SEMA3G: variants seen among roughly 807,000 people sequenced by gnomAD.
The protein encoded by SEMA3G is semaphorin 3G.
A neutral mutation model predicts 86.2 loss-of-function variants in SEMA3G; 70 were observed. That is an observed-to-expected ratio of 0.81 (90% CI 0.67 to 0.99). The LOEUF (loss-of-function observed/expected upper bound fraction) is 0.99. SEMA3G is among the 50% of genes least tolerant of loss of function. The pLI is 0.00. For synonymous variants in SEMA3G, 416 were observed against 441.4 expected (o/e 0.94, Z 0.72); for missense variants, 1,002 against 1,072.4 (o/e 0.93, Z 0.92).
At position 52,439,594 on chromosome 3, in the gene SEMA3G, T is replaced by C. The variant is rs1009497855; in HGVS notation, c.1467+86A>G. 11 of 1,111,256 alleles carry C rather than the reference T, an allele frequency of 9.9e-6. No individual in the cohort carries two copies. In the African/African-American group the frequency reaches 1.7e-4, roughly 17 times the overall value. 68.8% of individuals were successfully genotyped at this position (1,111,256 alleles called of 1,614,324 possible). A position where few individuals can be genotyped will look rare whatever the true frequency, so the allele number is the denominator to read the frequency against. Reference sequence around the variant, plus strand: ...ATTCAGTAAAGACAGGCTGGCTCCCTACTGGGCTTGCTCCTGCATCCCTGT... The same window carrying C: ...ATTCAGTAAAGACAGGCTGGCTCCCCACTGGGCTTGCTCCTGCATCCCTGT... On this transcript the variant is annotated intron_variant, in intron 12 of 15. Transcript: ENST00000231721.
At position 52,440,117 on chromosome 3, in the gene SEMA3G, G is replaced by C; in HGVS notation, c.1144-19C>G. ...TGGGGCACTGTGGGCAGCAGGGAAG[G>C]GAGTGCCTGAAGTATCCTGAGACAG... On this transcript the variant is annotated intron_variant, in intron 10 of 15. Transcript: ENST00000231721. The C allele has an allele frequency of 6.5e-7, 1 of 1,548,062 alleles. No individual in the cohort carries two copies. The highest frequency in any genetic ancestry group is 8.8e-7 in the Non-Finnish European group (1 of 1,140,578).
intron 7 of SEMA3G, 51 bp downstream of exon 7, chr3:52,441,213 T>C (rs1200086631): frequency 2.5e-6 from 4 of 1,588,466 alleles, no homozygotes; most frequent in East Asian, 2.2e-5. Context: ...GGTCTGGGAA[T>C]GGGAGGGTGT....
chr3:52,438,240 T>TC, intron 13 of SEMA3G, 41 bp from the exon 14 acceptor site: 1 of 1,564,502 alleles, frequency 6.4e-7, no homozygotes, highest in Non-Finnish European at 8.7e-7. Context: ...GAGCCCAGGC[T>TC]TCGCCCACAC....
chr3:52,444,289 T>A (rs1706216650), intron 1 of SEMA3G, among the ~76,000 whole-genome samples: 1 of 152,042 alleles, frequency 6.6e-6, no homozygotes, highest in Non-Finnish European at 1.5e-5. Context: ...GGTCTCCATC[T>A]GTCCCTTTCT....
chr3:52,443,756 A>G (rs1240451162), intron 1 of SEMA3G, among the ~76,000 whole-genome samples: 1 of 152,178 alleles, frequency 6.6e-6, no homozygotes, highest in African/African-American at 2.4e-5. Flanking sequence ...GGCTTTTTCT[A>G]GCAGTCTGAC....
chr3:52,443,107 C>A lies in SEMA3G; in HGVS notation c.116-200G>T, dbSNP rs751898513. 704 of 1,443,390 alleles carry A rather than the reference C, an allele frequency of 4.9e-4. 3 individuals are homozygous for A. Among genetic ancestry groups the A allele is most frequent in the Admixed American group, 7.3e-4 (37 of 50,458 alleles). 89.4% of individuals were successfully genotyped at this position (1,443,390 alleles called of 1,614,324 possible). A position where few individuals can be genotyped will look rare whatever the true frequency, so the allele number is the denominator to read the frequency against. On this transcript the variant is annotated intron_variant, in intron 1 of 15. Coordinates refer to ENST00000231721, the MANE Select transcript of SEMA3G (RefSeq NM_020163.3). ...GGGACGGGAGGCTCAGAGCCTCCCACCTGGCCCAGCCTACCCTGGGGCCTA... is the reference window on the plus strand; with the variant it reads ...GGGACGGGAGGCTCAGAGCCTCCCAACTGGCCCAGCCTACCCTGGGGCCTA...
In SEMA3G at chr3:52,438,960, A is replaced by G. The variant is rs779511670; in HGVS notation, c.1469T>C (p.Val490Ala). Residue 490 changes from valine (V) to alanine (A), a missense_variant and splice_region_variant, in exon 13 of 16, where the codon GTG becomes GCG. Val to Ala is a moderately conservative substitution (Grantham distance 64). Coordinates refer to ENST00000231721, the MANE Select transcript of SEMA3G (RefSeq NM_020163.3). ...VVLEELQVFK[V>A]PTPITEMEIS... ...CTCCATTTCGGTGATAGGTGTTGGCACCTGGGGAAGGAGAAGGGTCTCAGT... is the reference window on the plus strand; with the variant it reads ...CTCCATTTCGGTGATAGGTGTTGGCGCCTGGGGAAGGAGAAGGGTCTCAGT... The G allele has an allele frequency of 1.9e-6, 3 of 1,613,208 alleles. No individual in the cohort carries two copies. The South Asian group carries it at 3.3e-5, about 18-fold the overall frequency.
Position 52,435,711 on chromosome 3 carries a change from GC to G in SEMA3G, c.2240del (p.Gly747AlafsTer14), listed in dbSNP as rs757391261. 1 of 1,614,058 alleles carries G rather than the reference GC, an allele frequency of 6.2e-7. No individual in the cohort carries two copies. Among genetic ancestry groups the G allele is most frequent in the Non-Finnish European group, 8.5e-7 (1 of 1,179,984 alleles). On this transcript the variant is annotated frameshift_variant, in exon 16 of 16. Transcript: ENST00000231721. LOFTEE classifies it high-confidence loss of function. ...CSGCFRSRSRGKQARGKSWAG... is the reference protein window; with the variant it reads ...CSGCFRSRSRXKQARGKSWAG... ...CCCAGCTCTTGCCCCTGGCCTGCTT[GC>G]CCCGGCTCCGGCTCCGGAAGCAGCC...
rs1706128290 is a variant in SEMA3G, at chr3:52,440,396, G to C, written c.1124C>G (p.Pro375Arg). Residue 375 changes from proline to arginine, a missense_variant, in exon 10 of 16, where the codon CCC becomes CGC. Physicochemically the swap from Pro to Arg is moderately radical, Grantham distance 103 (BLOSUM62 -2). Transcript: ENST00000231721. ...ACTCACCACGCCAGGGCGAGGGAAG[G>C]GCACCTTGCCCCCATAGGGCCCCCA... ...HQWGPYGGKV[P>R]FPRPGVCPSK... The C allele has an allele frequency of 1.2e-6, 2 of 1,607,760 alleles. No homozygotes were observed. Among genetic ancestry groups the C allele is most frequent in the Non-Finnish European group, 1.7e-6 (2 of 1,178,212 alleles).
intron 1 of SEMA3G, among the ~76,000 whole-genome samples, chr3:52,444,213 C>G (rs1455895380): frequency 6.6e-6 from 1 of 152,188 alleles, no homozygotes; most frequent in East Asian, 1.9e-4. Flanking sequence ...GCCCCACCCT[C>G]TCTGTCACTC....
intron 1 of SEMA3G, among the ~76,000 whole-genome samples, chr3:52,444,570 C>T (rs1706224309): frequency 6.7e-6 from 1 of 149,948 alleles, no homozygotes; most frequent in Non-Finnish European, 1.5e-5. Flanking sequence ...GGCACACGCA[C>T]ACAAACACTG....
chr3:52,442,748 T>A lies in SEMA3G; in HGVS notation c.275A>T (p.Glu92Val). 1 of 1,613,592 alleles carries A rather than the reference T, an allele frequency of 6.2e-7. No individual in the cohort carries two copies. Among genetic ancestry groups the A allele is most frequent in the Non-Finnish European group, 8.5e-7 (1 of 1,179,810 alleles). The change falls in exon 2 of 16, where the codon GAG becomes GTG. Residue 92 changes from glutamate (E) to valine (V), a missense_variant and splice_region_variant. Physicochemically the swap from Glu to Val is moderately radical, Grantham distance 121. Coordinates refer to ENST00000231721, the MANE Select transcript of SEMA3G (RefSeq NM_020163.3). The surrounding 1 kb of genome is among the most constrained non-coding windows in gnomAD (Gnocchi z 6.1). The stretch of plus-strand genomic sequence containing the variant: ...CTCTTCCCTGCCAGTCCAGCTCACC[T>A]CCCGGGGATCTGGCCATGCCTGGTC... ...RLDQAWPDPR[E>V]VLWPPQPGQR...
chr3:52,438,586 A>G (rs1242689813), intron 13 of SEMA3G: 2 of 985,480 alleles, frequency 2.0e-6, no homozygotes, highest in Non-Finnish European at 2.4e-6. Context: ...GCAGATAAAT[A>G]TGGGGAGACG....
Position 52,439,728 on chromosome 3 carries a change from GC to G in SEMA3G, c.1418del (p.Gly473AlafsTer155), listed in dbSNP as rs2153229629. The G allele has an allele frequency of 6.2e-7, 1 of 1,614,022 alleles. No individual in the cohort carries two copies. Among genetic ancestry groups the G allele is most frequent in the Non-Finnish European group, 8.5e-7 (1 of 1,180,014 alleles). On this transcript the variant is annotated frameshift_variant, in exon 12 of 16. Transcript: ENST00000231721. LOFTEE classifies it high-confidence loss of function. Reference protein sequence around the residue: ...VLKVIALQAGGSAEPEEVVLE... With the variant: ...VLKVIALQAGXSAEPEEVVLE... ...GAACCACTTCCTCAGGTTCAGCTGAGCCCCCTGCCTGGAGAGCGATGACTTT... is the reference window on the plus strand; with the variant it reads ...GAACCACTTCCTCAGGTTCAGCTGAGCCCCTGCCTGGAGAGCGATGACTTT...
intron 13 of SEMA3G, 74 bp from the exon 14 acceptor site, chr3:52,438,273 A>T: frequency 1.4e-6 from 2 of 1,460,698 alleles, no homozygotes; most frequent in South Asian, 2.4e-5. Flanking sequence ...TCAGCCCCTC[A>T]GCTTCCTGAG....
rs1706169872 is a variant in SEMA3G, at chr3:52,442,079, A to G, written c.459+106T>C. 1.4e-6 allele frequency: 2 copies of G among 1,462,854 alleles called. No individual in the cohort carries two copies. The highest frequency in any genetic ancestry group is 1.8e-6 in the Non-Finnish European group (2 of 1,090,428). The allele number at this position is 1,462,854 out of a possible 1,614,324, so 90.6% of individuals were successfully genotyped here. On this transcript the variant is annotated intron_variant, in intron 4 of 15. Coordinates refer to ENST00000231721, the MANE Select transcript of SEMA3G (RefSeq NM_020163.3). The surrounding 1 kb of genome is among the most constrained non-coding windows in gnomAD (Gnocchi z 6.1). Reference sequence around the variant, plus strand: ...GCTCCCCAACACAAAGGCGCCTTTCAGGCCCCTGCCCCTCTGTCCCTACCC... The same window carrying G: ...GCTCCCCAACACAAAGGCGCCTTTCGGGCCCCTGCCCCTCTGTCCCTACCC...
Position 52,435,612 on chromosome 3 carries a change from C to G in SEMA3G, c.2340G>C (p.Glu780Asp). 5.0e-6 allele frequency: 8 copies of G among 1,610,898 alleles called. No individual in the cohort carries two copies. The highest frequency in any genetic ancestry group is 6.8e-6 in the Non-Finnish European group (8 of 1,177,900). Residue 780 changes from glutamate to aspartate, a missense_variant, in exon 16 of 16, where the codon GAG becomes GAC. Glu to Asp is a conservative substitution (Grantham distance 45). Coordinates refer to ENST00000231721, the MANE Select transcript of SEMA3G (RefSeq NM_020163.3). ...AEHNRTPREV[E>D]AT The stretch of plus-strand genomic sequence containing the variant: ...CCTCCTCTGCCCCCTTCTACGTGGC[C>G]TCCACCTCCCGGGGCGTCCGATTGT...
At chr3:52,439,029 A>G (rs1706098492) in intron 12 of SEMA3G, 68 bp from the exon 13 acceptor site, 2 of 1,550,052 alleles carry the variant, frequency 1.3e-6, no homozygotes, top group Non-Finnish European at 8.8e-7. Flanking sequence ...CCCTGCTTTC[A>G]GTCTCCTCCA....
chr3:52,437,975 C>A lies in SEMA3G; in HGVS notation c.1734G>T (p.Gln578His). 6.2e-7 allele frequency: 1 copy of A among 1,612,010 alleles called. No homozygotes were observed. The highest frequency in any genetic ancestry group is 8.5e-7 in the Non-Finnish European group (1 of 1,179,718). The stretch of plus-strand genomic sequence containing the variant: ...CTCCCACCTGCCACCACTCACCTTC[C>A]TGGCTCTGGCCCAGGCACTGCAGGG... ...NPALQCLGQS[Q>H]EEEAVGLVAA... The change falls in exon 14 of 16, where the codon CAG (glutamine) becomes CAT (histidine). Residue 578 changes from glutamine to histidine, a missense_variant. Gln to His is a conservative substitution (Grantham distance 24). Coordinates refer to ENST00000231721, the MANE Select transcript of SEMA3G (RefSeq NM_020163.3).
Sources: gnomAD v4.1 joint callset for allele counts (sites outside exome capture counted in the v4.1 genomes callset) on GRCh38, gnomAD v4.1.1 for gene constraint, Gnocchi (gnomAD v3.1) non-coding constraint, MANE v1.5 for transcripts, NCBI Gene and HGNC (gene_info 2026-07-23, HGNC 2026-07-21) for gene names.